The following TEC variants were observed in gnomAD, a reference collection of about 807,000 sequenced individuals.
TEC encodes tyrosine-protein kinase Tec.
In TEC, 72 loss-of-function variants were observed where a neutral mutation model predicts 93.0. The observed-to-expected ratio is 0.77, with a 90% CI of 0.64 to 0.94. The LOEUF is 0.94. Among genes scored for constraint, TEC ranks in the 40% least tolerant of loss-of-function variants. The probability of loss-of-function intolerance (pLI) is 0.00; values close to 1 mark genes in which losing one functional copy is unlikely to be tolerated. For synonymous variants in TEC, 249 were observed against 247.7 expected (o/e 1.01, Z -0.05); for missense variants, 630 against 757.9 (o/e 0.83, Z 1.98).
intron 5 of TEC, 77 bp downstream of exon 5, chr4:48,170,171 C>G (rs1365699521): frequency 7.9e-7 from 1 of 1,262,992 alleles, no homozygotes; most frequent in Non-Finnish European, 1.1e-6. Flanking sequence ...TTAATCAAAA[C>G]CATGTCACTT....
At chr4:48,196,433 C>G (rs1447369829) in intron 2 of TEC, among the ~76,000 whole-genome samples, 1 of 152,148 alleles carries the variant, frequency 6.6e-6, no homozygotes, top group Non-Finnish European at 1.5e-5. Context: ...AATAATAGCA[C>G]CAGAACTTCA....
chr4:48,215,123 A>T (rs193010716), intron 2 of TEC, among the ~76,000 whole-genome samples: 1 of 152,320 alleles, frequency 6.6e-6, no homozygotes, highest in African/African-American at 2.4e-5. Context: ...ATTGCACTCC[A>T]GCCTGGGCTA....
chr4:48,259,167 G>C (rs1724422837), intron 1 of TEC, among the ~76,000 whole-genome samples: 1 of 152,216 alleles, frequency 6.6e-6, no homozygotes, highest in Admixed American at 6.5e-5. Flanking sequence ...ATTAGGCCAT[G>C]AATCTTTCTC....
At chr4:48,239,447 A>G (rs1167024013) in intron 1 of TEC, among the ~76,000 whole-genome samples, 1 of 152,094 alleles carries the variant, frequency 6.6e-6, no homozygotes. Flanking sequence ...TAAAACGAAT[A>G]TTTGTCTATT....
At chr4:48,264,640 C>CT (rs1724585186) in intron 1 of TEC, among the ~76,000 whole-genome samples, 1 of 65,474 alleles carries the variant, frequency 1.5e-5, no homozygotes, top group Non-Finnish European at 4.4e-5. Flanking sequence ...ACATCTTCAG[C>CT]ATTTTTTTTT....
At chr4:48,169,184 G>C (rs1721001153) in intron 5 of TEC, among the ~76,000 whole-genome samples, 1 of 152,082 alleles carries the variant, frequency 6.6e-6, no homozygotes, top group Middle Eastern at 3.2e-3. Context: ...CAGGAAGAGA[G>C]AGACTGCTAG....
chr4:48,136,321 C>T lies in TEC; in HGVS notation c.*1095G>A, dbSNP rs543419706. The stretch of plus-strand genomic sequence containing the variant: ...CCAACCAGGCCTCCTGAAAAACGTC[C>T]GGGAGGCACGGAACACCATGCTGGC... On this transcript the variant is annotated 3_prime_UTR_variant, in exon 18 of 18. Coordinates refer to ENST00000381501, the MANE Select transcript of TEC (RefSeq NM_003215.3). 144 of 152,318 alleles carry T rather than the reference C, an allele frequency of 9.5e-4. No individual in the cohort carries two copies. The highest frequency in any genetic ancestry group is 1.6e-3 in the Non-Finnish European group (111 of 68,064). 9.4% of individuals were successfully genotyped at this position (152,318 alleles called of 1,614,324 possible).
At chr4:48,265,443 ACG>A (rs1332984284) in intron 1 of TEC, among the ~76,000 whole-genome samples, 6 of 43,748 alleles carry the variant, frequency 1.4e-4, no homozygotes, top group African/African-American at 2.8e-4. Context: ...ACACATATAT[ACG>A]TATATATATA....
At chr4:48,179,338 G>GCATATATATATATATATATA (rs1721462353) in intron 2 of TEC, among the ~76,000 whole-genome samples, 1 of 51,652 alleles carries the variant, frequency 1.9e-5, no homozygotes, top group African/African-American at 9.5e-5. Flanking sequence ...GACGTGGGTA[G>GCATATATATATATATATATA]TATATATATA....
intron 1 of TEC, among the ~76,000 whole-genome samples, chr4:48,267,726 CG>C (rs1208079685): frequency 6.6e-6 from 1 of 152,138 alleles, no homozygotes; most frequent in Admixed American, 6.5e-5. Flanking sequence ...GGAGCATCCA[CG>C]GGGAACCAGC....
At chr4:48,201,434 G>A (rs1262191106) in intron 2 of TEC, among the ~76,000 whole-genome samples, 1 of 152,170 alleles carries the variant, frequency 6.6e-6, no homozygotes, top group East Asian at 1.9e-4. Context: ...CAAGCACAGA[G>A]TGAGAAAAGA....
rs193206663 is a variant in TEC at position 48,233,251 on chromosome 4, T to C, written c.-45-4592A>G. Among the ~76,000 whole-genome samples, 10 of 150,714 alleles carry C rather than the reference T, an allele frequency of 6.6e-5. No homozygotes were observed. In the East Asian group the frequency reaches 1.8e-3, roughly 26 times the overall value. On this transcript the variant is annotated intron_variant, in intron 1 of 17. Coordinates refer to ENST00000381501, the MANE Select transcript of TEC (RefSeq NM_003215.3). ...TCTTGAAGACACAGACATAGAAGTG[T>C]CCCCAAAAAAATGGCACAGCCAGAC... is the stretch of plus-strand genomic sequence containing the variant.
At chr4:48,222,262 AGAAGAGGAG>A (rs1724340976) in intron 2 of TEC, among the ~76,000 whole-genome samples, 1 of 152,220 alleles carries the variant, frequency 6.6e-6, no homozygotes, top group African/African-American at 2.4e-5. Context: ...AGACACAGCC[AGAAGAGGAG>A]GAAGAGGAGA....
At chr4:48,151,572 C>T (rs1177757583) in intron 9 of TEC, among the ~76,000 whole-genome samples, 1 of 152,174 alleles carries the variant, frequency 6.6e-6, no homozygotes, top group African/African-American at 2.4e-5. Flanking sequence ...CTGCAATCTC[C>T]ACTTCCTGGG....
chr4:48,226,761 T>C (rs1723480338), intron 2 of TEC, among the ~76,000 whole-genome samples: 1 of 152,134 alleles, frequency 6.6e-6, no homozygotes, highest in Non-Finnish European at 1.5e-5. Flanking sequence ...AGGGTTGGTG[T>C]CCCTAACCCT....
chr4:48,175,528 T>A (rs1361771140), intron 3 of TEC, among the ~76,000 whole-genome samples: 2 of 152,166 alleles, frequency 1.3e-5, no homozygotes, highest in Non-Finnish European at 1.5e-5. Context: ...GGAACCAAGA[T>A]ACTGGCAGGA....
intron 2 of TEC, among the ~76,000 whole-genome samples, chr4:48,192,172 T>C (rs1437175807): frequency 6.6e-6 from 1 of 152,138 alleles, no homozygotes; most frequent in African/African-American, 2.4e-5. Context: ...TTCACAGTAA[T>C]AGAAATGCAA....
intron 2 of TEC, among the ~76,000 whole-genome samples, chr4:48,212,129 A>ATATATATG (rs1560410896): frequency 6.9e-6 from 1 of 145,884 alleles, no homozygotes; most frequent in Non-Finnish European, 1.5e-5. Flanking sequence ...ATATATATAT[A>ATATATATG]TATGTATATA....
intron 2 of TEC, among the ~76,000 whole-genome samples, chr4:48,192,415 T>A (rs1283291372): frequency 6.6e-6 from 1 of 152,160 alleles, no homozygotes; most frequent in Non-Finnish European, 1.5e-5. Flanking sequence ...GCATACTCAG[T>A]GTTTCAGTTG....
Sources: allele counts gnomAD v4.1 joint callset (sites outside exome capture counted in the v4.1 genomes callset), GRCh38; gene constraint gnomAD v4.1.1; transcripts MANE v1.5; gene names NCBI Gene and HGNC (gene_info 2026-07-23, HGNC 2026-07-21).